Variants in NECAB1 observed in about 807,000 individuals in gnomAD.
The protein encoded by NECAB1 is N-terminal EF-hand calcium binding protein 1, also known as N-terminal EF-hand calcium-binding protein 1.
NECAB1 carries 29 observed loss-of-function variants against 57.5 expected under a neutral mutation model. That is an observed-to-expected ratio of 0.50 (90% CI 0.38 to 0.69). The LOEUF is 0.69. Ranked by LOEUF, NECAB1 falls within the 30% of genes least tolerant of loss-of-function variation. NECAB1 has a pLI of 0.00. For missense variants in NECAB1, 372 were observed against 413.8 expected (o/e 0.90, Z 0.88); for synonymous variants, 142 against 147.7 (o/e 0.96, Z 0.28).
At chr8:90,845,773 T>C (rs1357685292) in intron 3 of NECAB1, among the ~76,000 whole-genome samples, 27 of 152,214 alleles carry the variant, frequency 1.8e-4, no homozygotes, top group Admixed American at 1.8e-3. Flanking sequence ...TTTGCCTTTA[T>C]GCAAAATCAA....
chr8:90,841,343 G>A (rs938673779), intron 3 of NECAB1, among the ~76,000 whole-genome samples: 2 of 152,090 alleles, frequency 1.3e-5, no homozygotes, highest in African/African-American at 4.8e-5. Flanking sequence ...ATCTTGGGCA[G>A]AGAGCCCTTC....
chr8:90,879,925 C>G (rs764196912), intron 4 of NECAB1, among the ~76,000 whole-genome samples: 4 of 152,032 alleles, frequency 2.6e-5, no homozygotes, highest in Non-Finnish European at 5.9e-5. Flanking sequence ...TGTTTTTAAC[C>G]TAAGTGTATA....
chr8:90,865,875 C>A (rs1001786501), intron 3 of NECAB1, among the ~76,000 whole-genome samples: 7 of 152,098 alleles, frequency 4.6e-5, no homozygotes, highest in Admixed American at 4.6e-4. Flanking sequence ...TTAAATTCAC[C>A]CAGTTCATAG....
At chr8:90,794,943 G>A (rs1227525346) in intron 1 of NECAB1, among the ~76,000 whole-genome samples, 4 of 152,184 alleles carry the variant, frequency 2.6e-5, no homozygotes, top group Non-Finnish European at 4.4e-5. Context: ...ACTGATGGGA[G>A]GCTTAGAAAA....
chr8:90,945,303 T>C (rs1203172179), intron 10 of NECAB1, among the ~76,000 whole-genome samples: 1 of 152,124 alleles, frequency 6.6e-6, no homozygotes. Flanking sequence ...TCCGACTTCG[T>C]GATCCGCCCG....
chr8:90,931,702 G>A lies in NECAB1; in HGVS notation c.694-2602G>A, dbSNP rs550774485. 5.9e-5 allele frequency among the ~76,000 whole-genome samples: 9 copies of A among 152,118 alleles called. No individual in the cohort carries two copies. In the East Asian group the frequency reaches 9.7e-4, roughly 16 times the overall value. Reference sequence around the variant, plus strand: ...GTGGATCACCTGAGGTCAGGAGTTCGAGACCAGCCTGGCCAACATGGCAAA... The same window carrying A: ...GTGGATCACCTGAGGTCAGGAGTTCAAGACCAGCCTGGCCAACATGGCAAA... On this transcript the variant is annotated intron_variant, in intron 8 of 12. Transcript: ENST00000417640.
At chr8:90,925,136 T>G (rs1179770142) in intron 6 of NECAB1, among the ~76,000 whole-genome samples, 1 of 152,066 alleles carries the variant, frequency 6.6e-6, no homozygotes, top group Non-Finnish European at 1.5e-5. Context: ...TAGAATCATT[T>G]GACTCCTAAA....
chr8:90,822,908 G>A (rs1504791), intron 2 of NECAB1, among the ~76,000 whole-genome samples: 59,239 of 149,808 alleles, frequency 0.4, 12,717 homozygotes, highest in East Asian at 0.81. Flanking sequence ...TTTCTTTTTC[G>A]CTCTTTAACC....
chr8:90,875,353 C>T (rs1208557899), intron 4 of NECAB1, among the ~76,000 whole-genome samples: 7 of 150,752 alleles, frequency 4.6e-5, no homozygotes, highest in East Asian at 2.0e-4. Context: ...CGGTGGCGGG[C>T]GCCTGTAGTC....
At chr8:90,839,911 G>A (rs1358047579) in intron 3 of NECAB1, among the ~76,000 whole-genome samples, 1 of 152,152 alleles carries the variant, frequency 6.6e-6, no homozygotes, top group Non-Finnish European at 1.5e-5. Flanking sequence ...TCTCCCCAAG[G>A]CAAAGAGAAT....
intron 12 of NECAB1, among the ~76,000 whole-genome samples, chr8:90,955,112 T>TA (rs1811003571): frequency 1.4e-5 from 1 of 70,814 alleles, no homozygotes. Context: ...GGTATATAAA[T>TA]TATATATATA....
chr8:90,827,207 A>G (rs1812239532), intron 3 of NECAB1, among the ~76,000 whole-genome samples: 1 of 152,028 alleles, frequency 6.6e-6, no homozygotes, highest in African/African-American at 2.4e-5. Flanking sequence ...TCACCTTCTA[A>G]GAAGATAAGT....
chr8:90,791,841 C>G lies in NECAB1; in HGVS notation c.-46C>G. ...GGCCGCGCCCTTGCCAGAGCCGGTG[C>G]GTCCGCCTAGCCCCGCTCCGCCTGA... is the stretch of plus-strand genomic sequence containing the variant. On this transcript the variant is annotated 5_prime_UTR_variant, in exon 1 of 13. Coordinates refer to ENST00000417640, the MANE Select transcript of NECAB1 (RefSeq NM_022351.5). 6.8e-7 allele frequency: 1 copy of G among 1,470,274 alleles called. No homozygotes were observed. Among genetic ancestry groups the G allele is most frequent in the Non-Finnish European group, 9.2e-7 (1 of 1,081,150 alleles). The allele number at this position is 1,470,274 out of a possible 1,614,324, so 91.1% of individuals were successfully genotyped here. A position where few individuals can be genotyped will look rare whatever the true frequency, so the allele number is the denominator to read the frequency against.
Position 90,791,792 on chromosome 8 carries a change from C to G in NECAB1, c.-95C>G. 1.0e-6 allele frequency: 1 copy of G among 966,572 alleles called. No homozygotes were observed. Among genetic ancestry groups the G allele is most frequent in the Non-Finnish European group, 1.6e-6 (1 of 643,956 alleles). The allele number at this position is 966,572 out of a possible 1,614,324, so 59.9% of individuals were successfully genotyped here. A position where few individuals can be genotyped will look rare whatever the true frequency, so the allele number is the denominator to read the frequency against. ...CGAACACCCTCCCGGATCCAGAGCC[C>G]GGCGGCGGCGAAGCAGCAGCTGCGG... is the stretch of plus-strand genomic sequence containing the variant. On this transcript the variant is annotated 5_prime_UTR_variant, in exon 1 of 13. Transcript: ENST00000417640.
intron 5 of NECAB1, among the ~76,000 whole-genome samples, chr8:90,912,624 G>C (rs1217220970): frequency 6.6e-6 from 1 of 151,982 alleles, no homozygotes; most frequent in Non-Finnish European, 1.5e-5. Context: ...GGTTTGCAAA[G>C]ACTAGCTGGA....
rs534793830 is a variant in NECAB1 at position 90,925,237 on chromosome 8, T to C, written c.495-298T>C. ...TGTTTTCAAATTAAACAAAATACAATAGCTGCATACACGTTTTTCCACTGA... is the reference window on the plus strand; with the variant it reads ...TGTTTTCAAATTAAACAAAATACAACAGCTGCATACACGTTTTTCCACTGA... On this transcript the variant is annotated intron_variant, in intron 6 of 12. Coordinates refer to ENST00000417640, the MANE Select transcript of NECAB1 (RefSeq NM_022351.5). Among the ~76,000 whole-genome samples, 32 of 152,072 alleles carry C rather than the reference T, an allele frequency of 2.1e-4. No homozygotes were observed. The East Asian group carries it at 6.0e-3, about 28-fold the overall frequency.
chr8:90,807,127 G>A (rs1811860755), intron 2 of NECAB1, among the ~76,000 whole-genome samples: 1 of 152,132 alleles, frequency 6.6e-6, no homozygotes, highest in Admixed American at 6.5e-5. Context: ...ATATGTGGTA[G>A]TTTAATTGAT....
intron 3 of NECAB1, among the ~76,000 whole-genome samples, chr8:90,854,902 T>A (rs1812765507): frequency 6.6e-6 from 1 of 152,200 alleles, no homozygotes; most frequent in African/African-American, 2.4e-5. Flanking sequence ...GGGATCTCTC[T>A]CCAAGAGTCC....
chr8:90,845,519 CA>C (rs568486286), intron 3 of NECAB1, among the ~76,000 whole-genome samples: 2 of 151,540 alleles, frequency 1.3e-5, no homozygotes, highest in Non-Finnish European at 2.9e-5. Flanking sequence ...CTTTGGTTTT[CA>C]AAAAAAATAA....
Sources: gnomAD v4.1 joint callset for allele counts (sites outside exome capture counted in the v4.1 genomes callset) on GRCh38, gnomAD v4.1.1 for gene constraint, MANE v1.5 for transcripts, NCBI Gene and HGNC (gene_info 2026-07-23, HGNC 2026-07-21) for gene names.